Variants in LRRC2 observed in about 807,000 individuals in gnomAD.
The protein encoded by LRRC2 is leucine-rich repeat-containing protein 2.
Under a neutral mutation model 40.2 loss-of-function variants are expected in LRRC2, and 27 were observed. The observed-to-expected ratio is 0.67, with a 90% CI of 0.49 to 0.93. The LOEUF is 0.93. LRRC2 is among the 40% of genes least tolerant of loss of function. LRRC2 has a pLI of 0.00. For missense variants in LRRC2, 402 were observed against 439.6 expected (o/e 0.91, Z 0.76); for synonymous variants, 147 against 158.9 (o/e 0.92, Z 0.56).
chr3:46,534,409 T>G (rs1040452825), intron 4 of LRRC2, among the ~76,000 whole-genome samples: 2 of 151,228 alleles, frequency 1.3e-5, no homozygotes, highest in Non-Finnish European at 2.9e-5. Context: ...TCTTTTCTTT[T>G]CTTTTCCTTC....
chr3:46,541,049 A>T lies in LRRC2; in HGVS notation c.334-1848T>A, dbSNP rs576041148. Among the ~76,000 whole-genome samples, 17 of 152,348 alleles carry T rather than the reference A, an allele frequency of 1.1e-4. No homozygotes were observed. In the South Asian group the frequency reaches 3.5e-3, roughly 32 times the overall value. On this transcript the variant is annotated intron_variant, in intron 3 of 8. Coordinates refer to ENST00000395905, the MANE Select transcript of LRRC2 (RefSeq NM_024512.5). Reference sequence around the variant, plus strand: ...TATTTTCAACAAGAAAAATATTAGGATAGGCCGGGCATGGTGGCTCACGCC... The same window carrying T: ...TATTTTCAACAAGAAAAATATTAGGTTAGGCCGGGCATGGTGGCTCACGCC...
chr3:46,537,561 G>T (rs1051716334), intron 4 of LRRC2, among the ~76,000 whole-genome samples: 14 of 152,258 alleles, frequency 9.2e-5, no homozygotes, highest in African/African-American at 2.9e-4. Flanking sequence ...TAATGATTCA[G>T]TCAGTTAATG....
Position 46,533,803 on chromosome 3 carries a change from C to CTTTCTTTCTTTCTTTCTTTCTTTG in LRRC2, c.491-895_491-894insCAAAGAAAGAAAGAAAGAAAGAAA, listed in dbSNP as rs1324185043. On this transcript the variant is annotated intron_variant, in intron 4 of 8. Coordinates refer to ENST00000395905, the MANE Select transcript of LRRC2 (RefSeq NM_024512.5). ...TCTTTCTTTCTTTCTTTCTTTGTTT[C>CTTTCTTTCTTTCTTTCTTTCTTTG]TTTCTTTCTTTCTTTTTCTTTCTCT... 2.2e-3 allele frequency among the ~76,000 whole-genome samples: 263 copies of CTTTCTTTCTTTCTTTCTTTCTTTG among 122,148 alleles called. 2 individuals carry two copies. The Middle Eastern group carries it at 0.028, about 13-fold the overall frequency. The allele number at this position is 122,148 out of a possible 152,430, so 80.1% of individuals were successfully genotyped here. A position where few individuals can be genotyped will look rare whatever the true frequency, so the allele number is the denominator to read the frequency against.
rs149437501 is a variant in LRRC2, at chr3:46,540,907, T to C, written c.334-1706A>G. Among the ~76,000 whole-genome samples the C allele has an allele frequency of 3.5e-3, 540 of 152,358 alleles. 4 individuals carry two copies. Among genetic ancestry groups the C allele is most frequent in the African/African-American group, 0.012 (503 of 41,590 alleles). On this transcript the variant is annotated intron_variant, in intron 3 of 8. Coordinates refer to ENST00000395905, the MANE Select transcript of LRRC2 (RefSeq NM_024512.5). ...CAGGGAGCTGACCACAGGCTCATAA[T>C]CACAATCTCTTCATTGACACTTCAA...
rs544434164 is a variant in LRRC2 at position 46,516,352 on chromosome 3, G to A, written c.*2662C>T. 172 of 152,176 alleles carry A rather than the reference G, an allele frequency of 1.1e-3. No homozygotes were observed. Among genetic ancestry groups the A allele is most frequent in the Non-Finnish European group, 1.9e-3 (130 of 68,016 alleles). 9.4% of individuals were successfully genotyped at this position (152,176 alleles called of 1,614,324 possible). On this transcript the variant is annotated 3_prime_UTR_variant, in exon 9 of 9. Transcript: ENST00000395905. Reference sequence around the variant, plus strand: ...CATGTGGTTTTAGAATGCTCTGCCTGTTTTACACCTGTTGAGAATAAAATG... The same window carrying A: ...CATGTGGTTTTAGAATGCTCTGCCTATTTTACACCTGTTGAGAATAAAATG...
chr3:46,532,749 AG>A (rs1447630437), intron 5 of LRRC2, 23 bp downstream of exon 5: 49 of 1,607,092 alleles, frequency 3.0e-5, no homozygotes, highest in Non-Finnish European at 3.9e-5. Flanking sequence ...AGTGAATCGT[AG>A]TACAGAAATG....
At position 46,539,039 on chromosome 3, in the gene LRRC2, A is replaced by C; in HGVS notation, c.490+6T>G. ...AGGCCCGAAGACCCCTGCTAAGTTG[A>C]CATACCGATTTCTGCTGGAAGATGT... On this transcript the variant is annotated splice_donor_region_variant and intron_variant, in intron 4 of 8. Transcript: ENST00000395905. 6.2e-7 allele frequency: 1 copy of C among 1,613,312 alleles called. No homozygotes were observed. The highest frequency in any genetic ancestry group is 8.5e-7 in the Non-Finnish European group (1 of 1,179,660).
chr3:46,526,430 A>G (rs535507128), intron 7 of LRRC2, among the ~76,000 whole-genome samples: 6 of 152,158 alleles, frequency 3.9e-5, no homozygotes, highest in African/African-American at 1.4e-4. Flanking sequence ...GAGTCCTGCT[A>G]CCCCTCTCAC....
In LRRC2 at chr3:46,515,569, ATAAAT is replaced by A. The variant is rs1173483127; in HGVS notation, c.*3440_*3444del. 3 of 152,330 alleles carry A rather than the reference ATAAAT, an allele frequency of 2.0e-5. No individual in the cohort carries two copies. Among genetic ancestry groups the A allele is most frequent in the African/African-American group, 7.2e-5 (3 of 41,584 alleles). 9.4% of individuals were successfully genotyped at this position (152,330 alleles called of 1,614,324 possible). A position where few individuals can be genotyped will look rare whatever the true frequency, so the allele number is the denominator to read the frequency against. On this transcript the variant is annotated 3_prime_UTR_variant, in exon 9 of 9. Coordinates refer to ENST00000395905, the MANE Select transcript of LRRC2 (RefSeq NM_024512.5). Reference sequence around the variant, plus strand: ...GGAATCTTTCTGCACATTTATATGAATAAATTAAATAGTATCTCTACAAACATATT... The same window carrying A: ...GGAATCTTTCTGCACATTTATATGAATAAATAGTATCTCTACAAACATATT...
intron 4 of LRRC2, among the ~76,000 whole-genome samples, chr3:46,533,344 C>A (rs563506117): frequency 6.6e-6 from 1 of 152,162 alleles, no homozygotes; most frequent in Non-Finnish European, 1.5e-5. Context: ...GTGTCTATAG[C>A]GGCTCCTGGT....
intron 2 of LRRC2, among the ~76,000 whole-genome samples, chr3:46,550,928 C>T (rs1484955536): frequency 1.3e-5 from 2 of 152,154 alleles, no homozygotes; most frequent in South Asian, 2.1e-4. Flanking sequence ...GTAGATTTTC[C>T]AAAGCACTCA....
Position 46,517,641 on chromosome 3 carries a change from A to G in LRRC2, c.*1373T>C, listed in dbSNP as rs1703890493. The G allele has an allele frequency of 6.6e-6, 1 of 152,146 alleles. No homozygotes were observed. Among genetic ancestry groups the G allele is most frequent in the South Asian group, 2.1e-4 (1 of 4,828 alleles). The allele number at this position is 152,146 out of a possible 1,614,324, so 9.4% of individuals were successfully genotyped here. On this transcript the variant is annotated 3_prime_UTR_variant, in exon 9 of 9. Transcript: ENST00000395905. ...TAGGTGTGAGCCACCGTGCCCGGCC[A>G]AAGTTATTTGTTTAAGCTTATTTAT...
intron 3 of LRRC2, among the ~76,000 whole-genome samples, chr3:46,542,849 C>T (rs1034535464): frequency 6.6e-6 from 1 of 152,234 alleles, no homozygotes; most frequent in African/African-American, 2.4e-5. Flanking sequence ...GCTGGCCACA[C>T]AGCCTCAGCC....
chr3:46,527,202 T>C (rs910399586), intron 7 of LRRC2, among the ~76,000 whole-genome samples: 3 of 152,192 alleles, frequency 2.0e-5, no homozygotes, highest in African/African-American at 7.2e-5. Flanking sequence ...TCAACCAGCA[T>C]GCATTTGTGC....
intron 4 of LRRC2, 91 bp from the exon 5 acceptor site, chr3:46,533,000 A>T: frequency 7.8e-7 from 1 of 1,286,450 alleles, no homozygotes; most frequent in Non-Finnish European, 1.1e-6. Context: ...CAGCTCTGTA[A>T]ATAATGATGG....
At chr3:46,523,560 AAAAGTTC>A (rs1390326223) in intron 7 of LRRC2, among the ~76,000 whole-genome samples, 10 of 152,222 alleles carry the variant, frequency 6.6e-5, no homozygotes, top group Non-Finnish European at 1.5e-4. Context: ...AAAAGTAGAA[AAAAGTTC>A]ATAGTGAACA....
intron 1 of LRRC2, among the ~76,000 whole-genome samples, chr3:46,561,534 CAAAA>C (rs1346960298): frequency 1.4e-5 from 2 of 147,092 alleles, no homozygotes; most frequent in Non-Finnish European, 3.0e-5. Context: ...GCCTGGGTCT[CAAAA>C]AAACAAAAAG....
chr3:46,551,773 T>TC (rs1553613950), intron 1 of LRRC2, among the ~76,000 whole-genome samples, 163 bp from the exon 2 acceptor site: 1 of 142,256 alleles, frequency 7.0e-6, no homozygotes, highest in East Asian at 2.0e-4. Flanking sequence ...TTTTTTTTTT[T>TC]TAGCTTGTTT....
At position 46,551,477 on chromosome 3, in the gene LRRC2, C is replaced by T. The variant is rs142071651; in HGVS notation, c.115G>A (p.Ala39Thr). The T allele has an allele frequency of 7.4e-5, 119 of 1,612,572 alleles. No homozygotes were observed. Among genetic ancestry groups the T allele is most frequent in the Admixed American group, 1.3e-4 (8 of 59,792 alleles). ...KKEVERLEKS[A>T]LEKIKEEWNF... ...TGAGAAAACACGTACTTCTCCAAGG[C>T]GCTCTTCTCAAGCCTTTCCACCTCC... Residue 39 changes from alanine to threonine, a missense_variant, in exon 2 of 9, where the codon GCC (alanine) becomes ACC (threonine). By Grantham distance (58) the Ala-to-Thr change is moderately conservative. Transcript: ENST00000395905.
Sources: gnomAD v4.1 joint callset for allele counts (sites outside exome capture counted in the v4.1 genomes callset) on GRCh38, gnomAD v4.1.1 for gene constraint, MANE v1.5 for transcripts, NCBI Gene and HGNC (gene_info 2026-07-23, HGNC 2026-07-21) for gene names.